The following COBL variants were observed in gnomAD, a reference collection of about 807,000 sequenced individuals.
The protein encoded by COBL is protein cordon-bleu.
A neutral mutation model predicts 98.8 loss-of-function variants in COBL; 51 were observed. That is an observed-to-expected ratio of 0.52 (90% CI 0.41 to 0.65). COBL has a LOEUF of 0.65. Ranked by LOEUF, COBL falls within the 30% of genes least tolerant of loss-of-function variation. COBL has a pLI of 0.00. For missense variants in COBL, 1,617 were observed against 1,617.5 expected (o/e 1.00, Z 0.01); for synonymous variants, 634 against 651.7 (o/e 0.97, Z 0.41).
intron 1 of COBL, among the ~76,000 whole-genome samples, chr7:51,296,332 G>A (rs962137491): frequency 6.6e-6 from 1 of 152,006 alleles, no homozygotes; most frequent in African/African-American, 2.4e-5. Context: ...TAATATGTAG[G>A]ACAATATGAC....
At chr7:51,302,671 G>C (rs1301769013) in intron 1 of COBL, among the ~76,000 whole-genome samples, 1 of 152,002 alleles carries the variant, frequency 6.6e-6, no homozygotes, top group African/African-American at 2.4e-5. Flanking sequence ...CCAAGACAGG[G>C]AGGATTGCTT....
intron 12 of COBL, among the ~76,000 whole-genome samples, chr7:51,024,667 GAATGA>G (rs1445766993): frequency 6.9e-5 from 4 of 57,912 alleles, no homozygotes; most frequent in African/African-American, 1.3e-4. Flanking sequence ...ATGAATGAAT[GAATGA>G]ATGAATGAAT....
intron 2 of COBL, among the ~76,000 whole-genome samples, chr7:51,207,734 CA>C (rs1369844752): frequency 1.3e-5 from 2 of 152,278 alleles, no homozygotes; most frequent in African/African-American, 4.8e-5. Context: ...ACTCAGTGCT[CA>C]ATGGTGCCCA....
At chr7:51,085,953 T>C (rs1362168987) in intron 6 of COBL, among the ~76,000 whole-genome samples, 1 of 152,188 alleles carries the variant, frequency 6.6e-6, no homozygotes, top group African/African-American at 2.4e-5. Context: ...TGCTCACAGC[T>C]TTCAACAGTG....
chr7:51,222,448 T>TC (rs1218279425), intron 1 of COBL, among the ~76,000 whole-genome samples: 1 of 152,190 alleles, frequency 6.6e-6, no homozygotes, highest in African/African-American at 2.4e-5. Flanking sequence ...ATATTCCTAT[T>TC]TTATAGCTGA....
In COBL at chr7:51,081,464, C is replaced by T. The variant is rs528861650; in HGVS notation, c.1096+3702G>A. On this transcript the variant is annotated intron_variant, in intron 7 of 12. Transcript: ENST00000265136. ...TCAGACCTGTCCAAAGGTCTAAGGG[C>T]AGCAGGTGGGGAGGTTCCACTGCTC... Among the ~76,000 whole-genome samples, 12 of 152,328 alleles carry T rather than the reference C, an allele frequency of 7.9e-5. 1 individual carries two copies. Among genetic ancestry groups the T allele is most frequent in the Admixed American group, 2.6e-4 (4 of 15,306 alleles).
chr7:51,062,096 T>C (rs920943587), intron 7 of COBL, among the ~76,000 whole-genome samples: 5 of 152,320 alleles, frequency 3.3e-5, no homozygotes, highest in Non-Finnish European at 7.3e-5. Flanking sequence ...GGCCTAATTT[T>C]AAGAAAATCT....
chr7:51,234,773 G>A (rs997862090), intron 1 of COBL, among the ~76,000 whole-genome samples: 3 of 151,970 alleles, frequency 2.0e-5, no homozygotes, highest in African/African-American at 7.3e-5. Flanking sequence ...CCTGACTGAA[G>A]GGCCAGGGCT....
At chr7:51,149,343 G>A (rs1370165713) in intron 5 of COBL, among the ~76,000 whole-genome samples, 1 of 152,132 alleles carries the variant, frequency 6.6e-6, no homozygotes, top group Non-Finnish European at 1.5e-5. Flanking sequence ...CCAGGCTCCA[G>A]GCTTCCTCCC....
chr7:51,146,436 T>C (rs920312172), intron 5 of COBL, among the ~76,000 whole-genome samples: 4 of 152,326 alleles, frequency 2.6e-5, no homozygotes, highest in African/African-American at 9.6e-5. Flanking sequence ...GAAGTTCACC[T>C]TCAAAGCGAT....
intron 12 of COBL, among the ~76,000 whole-genome samples, chr7:51,024,686 T>C (rs922961113): frequency 2.4e-5 from 2 of 84,806 alleles, no homozygotes; most frequent in African/African-American, 6.1e-5. Context: ...AATGAATGAA[T>C]GAATGAATAA....
intron 1 of COBL, among the ~76,000 whole-genome samples, chr7:51,285,981 AT>A (rs1334245672): frequency 6.6e-6 from 1 of 152,240 alleles, no homozygotes; most frequent in Non-Finnish European, 1.5e-5. Flanking sequence ...AGGCAATTAA[AT>A]AGACGAAAGA....
chr7:51,131,593 C>CTTTT (rs369394848), intron 6 of COBL, among the ~76,000 whole-genome samples: 1 of 139,378 alleles, frequency 7.2e-6, no homozygotes, highest in Non-Finnish European at 1.6e-5. Context: ...GATTCTTCTT[C>CTTTT]TTTTTTTTTT....
chr7:51,194,907 C>G (rs1481586250), intron 2 of COBL, among the ~76,000 whole-genome samples: 1 of 151,762 alleles, frequency 6.6e-6, no homozygotes, highest in Admixed American at 6.6e-5. Context: ...CTTTTAGATG[C>G]TGGATATTAG....
At chr7:51,074,611 A>G (rs939937332) in intron 7 of COBL, among the ~76,000 whole-genome samples, 6 of 152,226 alleles carry the variant, frequency 3.9e-5, no homozygotes, top group Non-Finnish European at 5.9e-5. Context: ...ACGTAACCTG[A>G]GTACATGCTA....
chr7:51,022,248 T>C (rs1787011794), intron 12 of COBL, among the ~76,000 whole-genome samples: 1 of 152,176 alleles, frequency 6.6e-6, no homozygotes, highest in South Asian at 2.1e-4. Context: ...ACATAAATAT[T>C]AATTGCCTAG....
At chr7:51,178,531 G>T (rs531627663) in intron 5 of COBL, among the ~76,000 whole-genome samples, 1 of 152,054 alleles carries the variant, frequency 6.6e-6, no homozygotes, top group African/African-American at 2.4e-5. Flanking sequence ...ATAATAAAAG[G>T]TTTTATTTAC....
chr7:51,113,832 T>G (rs1392220567), intron 6 of COBL, among the ~76,000 whole-genome samples: 6 of 152,234 alleles, frequency 3.9e-5, no homozygotes, highest in Admixed American at 3.9e-4. Context: ...TCACATAACC[T>G]AAGGTTGTCT....
Position 51,165,609 on chromosome 7 carries a change from G to A in COBL, c.783+18493C>T, listed in dbSNP as rs922819998. On this transcript the variant is annotated intron_variant, in intron 5 of 12. Coordinates refer to ENST00000265136, the MANE Select transcript of COBL (RefSeq NM_015198.5). ...TCAGACTTAATCTACAGTGTAGATC[G>A]AATGGATCTAATAGATATGTACAGA... is the stretch of plus-strand genomic sequence containing the variant. Among the ~76,000 whole-genome samples the A allele has an allele frequency of 3.0e-4, 25 of 83,708 alleles. 1 individual carries two copies. Among genetic ancestry groups the A allele is most frequent in the Non-Finnish European group, 6.2e-4 (23 of 37,130 alleles). 54.9% of individuals were successfully genotyped at this position (83,708 alleles called of 152,430 possible).
Sources: allele counts gnomAD v4.1 joint callset (sites outside exome capture counted in the v4.1 genomes callset), GRCh38; gene constraint gnomAD v4.1.1; transcripts MANE v1.5; gene names NCBI Gene and HGNC (gene_info 2026-07-23, HGNC 2026-07-21).